The following GOLGA8T variants were observed in gnomAD, a reference collection of about 807,000 sequenced individuals.
GOLGA8T encodes golgin subfamily A member 8T.
A neutral mutation model predicts 52.0 loss-of-function variants in GOLGA8T; 17 were observed. The ratio of observed to expected loss-of-function variants is 0.33; its 90% CI spans 0.22 to 0.49. The LOEUF is 0.49. Ranked by LOEUF, GOLGA8T falls within the 20% of genes least tolerant of loss-of-function variation. GOLGA8T has a pLI of 0.99. For synonymous variants in GOLGA8T, 67 were observed against 169.5 expected, an observed-to-expected ratio of 0.40 and a Z score of 4.70; for missense variants, 154 against 462.1, an observed-to-expected ratio of 0.33 and a Z score of 6.11.
chr15:30,137,158 A>T (rs1337277709), intron 2 of GOLGA8T, among the ~76,000 whole-genome samples, 173 bp downstream of exon 2: 1 of 145,160 alleles, frequency 6.9e-6, no homozygotes, highest in Non-Finnish European at 1.5e-5. Context: ...CAGGCGGATC[A>T]TGAGGTCAGG....
At chr15:30,141,733 T>G (rs2140648007) in intron 11 of GOLGA8T, 69 bp from the exon 12 acceptor site, 1 of 551,808 alleles carries the variant, frequency 1.8e-6, no homozygotes, top group Admixed American at 3.3e-5. Context: ...TGAGAGGAGC[T>G]GTGCGCCAAG....
Position 30,142,505 on chromosome 15 carries a change from C to T in GOLGA8T, c.1200+123C>T, listed in dbSNP as rs968730969. 7.3e-6 allele frequency: 11 copies of T among 1,512,312 alleles called. 1 individual carries two copies. The highest frequency in any genetic ancestry group is 1.5e-5 in the African/African-American group (1 of 66,644). 93.7% of individuals were successfully genotyped at this position (1,512,312 alleles called of 1,614,324 possible). Reference sequence around the variant, plus strand: ...CCTGGGGGCTGGTGACCACAGCACCCCCCAGGGCAGTCCTGTTTCTTGCTT... The same window carrying T: ...CCTGGGGGCTGGTGACCACAGCACCTCCCAGGGCAGTCCTGTTTCTTGCTT... On this transcript the variant is annotated intron_variant, in intron 13 of 18. Transcript: ENST00000569052.
intron 10 of GOLGA8T, 53 bp from the exon 11 acceptor site, chr15:30,141,285 G>C (rs1336329237): frequency 1.3e-6 from 2 of 1,553,432 alleles, no homozygotes; most frequent in Non-Finnish European, 1.7e-6. Flanking sequence ...AGGGCAGCCT[G>C]TCCAGCCACC....
rs1411346046 is a variant in GOLGA8T at position 30,141,365 on chromosome 15, C to G, written c.814C>G (p.Gln272Glu). The change falls in exon 11 of 19, where the codon CAA becomes GAA. Residue 272 changes from glutamine (Q) to glutamate (E), a missense_variant. Physicochemically the swap from Gln to Glu is conservative, Grantham distance 29. Transcript: ENST00000569052. ...EICTLKKEKQQDMRRVEELER... is the reference protein window; with the variant it reads ...EICTLKKEKQEDMRRVEELER... ...TTGCACATTAAAGAAAGAGAAGCAG[C>G]AAGATATGCGTCGGGTAGAGGAGCT... The G allele has an allele frequency of 3.9e-6, 6 of 1,546,270 alleles. 1 individual carries two copies. Among genetic ancestry groups the G allele is most frequent in the East Asian group, 4.7e-5 (2 of 42,862 alleles).
In GOLGA8T at chr15:30,142,331, C is replaced by T. The variant is rs532404063; in HGVS notation, c.1149C>T (p.Asn383=). The T allele has an allele frequency of 1.1e-4, 172 of 1,540,842 alleles. 20 individuals are homozygous for T. In the African/African-American group the frequency reaches 1.6e-3, roughly 14 times the overall value. ...VFEEPNNENK[N]ALQLEQQVKE... ...CTGTCCAGAACAATGAGAACAAGAACGCACTGCAGTTGGAGCAGCAAGTAA... is the reference window on the plus strand; with the variant it reads ...CTGTCCAGAACAATGAGAACAAGAATGCACTGCAGTTGGAGCAGCAAGTAA... The change falls in exon 13 of 19, where the codon AAC becomes AAT. Residue 383 remains asparagine (N), a synonymous_variant. Coordinates refer to ENST00000569052, the MANE Select transcript of GOLGA8T (RefSeq NM_001355469.2).
chr15:30,142,661 G>T (rs2057762213), intron 13 of GOLGA8T, among the ~76,000 whole-genome samples: 1 of 138,142 alleles, frequency 7.2e-6, no homozygotes, highest in Admixed American at 7.0e-5. Flanking sequence ...CTTATGCCAG[G>T]TGCAGTGGCT....
Position 30,142,331 on chromosome 15 carries a change from C to G in GOLGA8T, c.1149C>G (p.Asn383Lys). 6.5e-7 allele frequency: 1 copy of G among 1,540,846 alleles called. No individual in the cohort carries two copies. Among genetic ancestry groups the G allele is most frequent in the Admixed American group, 1.8e-5 (1 of 54,796 alleles). Reference protein sequence around the residue: ...VFEEPNNENKNALQLEQQVKE... With the variant: ...VFEEPNNENKKALQLEQQVKE... ...CTGTCCAGAACAATGAGAACAAGAACGCACTGCAGTTGGAGCAGCAAGTAA... is the reference window on the plus strand; with the variant it reads ...CTGTCCAGAACAATGAGAACAAGAAGGCACTGCAGTTGGAGCAGCAAGTAA... Residue 383 changes from asparagine to lysine, a missense_variant, in exon 13 of 19, where the codon AAC (asparagine) becomes AAG (lysine). Physicochemically the swap from Asn to Lys is moderately conservative, Grantham distance 94. Around this residue, in one of 6 missense-constraint regions of GOLGA8T, gnomAD observed 54 missense variants for 51.5 expected, o/e 1.05. Transcript: ENST00000569052.
At chr15:30,142,511 G>C (rs558929396) in intron 13 of GOLGA8T, 129 bp downstream of exon 13, 3 of 1,507,166 alleles carry the variant, frequency 2.0e-6, no homozygotes, top group Non-Finnish European at 2.7e-6. Flanking sequence ...CACCCCCCAG[G>C]GCAGTCCTGT....
rs1317849378 is a variant in GOLGA8T at position 30,140,466 on chromosome 15, AT to A, written c.592-375del. On this transcript the variant is annotated intron_variant, in intron 8 of 18. Transcript: ENST00000569052. Reference sequence around the variant, plus strand: ...GCAAGCACTTAACCTCAAATACTCCATGTTTTTTCATCTCCACAATAGAGGG... The same window carrying A: ...GCAAGCACTTAACCTCAAATACTCCAGTTTTTTCATCTCCACAATAGAGGG... Among the ~76,000 whole-genome samples the A allele has an allele frequency of 8.8e-4, 109 of 124,370 alleles. 2 individuals carry two copies. Among genetic ancestry groups the A allele is most frequent in the Non-Finnish European group, 1.6e-3 (101 of 62,726 alleles). The allele number at this position is 124,370 out of a possible 152,430, so 81.6% of individuals were successfully genotyped here.
Position 30,148,302 on chromosome 15 carries a change from T to C in GOLGA8T, c.*2735T>C, listed in dbSNP as rs1388669355. On this transcript the variant is annotated 3_prime_UTR_variant, in exon 19 of 19. Coordinates refer to ENST00000569052, the MANE Select transcript of GOLGA8T (RefSeq NM_001355469.2). ...TAAAGATGGCAATATATAATAATCATTTTAAAAGTATTTGATTCAACCTGA... is the reference window on the plus strand; with the variant it reads ...TAAAGATGGCAATATATAATAATCACTTTAAAAGTATTTGATTCAACCTGA... Among the ~76,000 whole-genome samples, 1 of 126,218 alleles carries C rather than the reference T, an allele frequency of 7.9e-6. No homozygotes were observed. Among genetic ancestry groups the C allele is most frequent in the Non-Finnish European group, 1.5e-5 (1 of 64,708 alleles). The allele number at this position is 126,218 out of a possible 152,430, so 82.8% of individuals were successfully genotyped here. A position where few individuals can be genotyped will look rare whatever the true frequency, so the allele number is the denominator to read the frequency against.
chr15:30,136,318 GA>G (rs1341884599), intron 1 of GOLGA8T, among the ~76,000 whole-genome samples: 3 of 148,116 alleles, frequency 2.0e-5, no homozygotes, highest in Non-Finnish European at 3.0e-5. Flanking sequence ...GAGATCAAGA[GA>G]AAAAACATGA....
chr15:30,140,152 C>CGTGTGTGCGTGTGTGT (rs2057722174), intron 8 of GOLGA8T: 1 of 371,066 alleles, frequency 2.7e-6, no homozygotes, highest in African/African-American at 3.4e-5. Flanking sequence ...AACGTGTGTG[C>CGTGTGTGCGTGTGTGT]GTGTGTGTGT....
chr15:30,143,902 A>T (rs1595420299), intron 14 of GOLGA8T: 1 of 559,266 alleles, frequency 1.8e-6, no homozygotes, highest in East Asian at 2.8e-5. Flanking sequence ...GAAAGGGAGC[A>T]GGTCAGAACT....
chr15:30,141,965 G>C lies in GOLGA8T; in HGVS notation c.1038G>C (p.Gln346His), dbSNP rs1456355188. The C allele has an allele frequency of 4.6e-6, 2 of 434,846 alleles. No homozygotes were observed. Among genetic ancestry groups the C allele is most frequent in the Non-Finnish European group, 7.5e-6 (2 of 267,448 alleles). The allele number at this position is 434,846 out of a possible 1,614,324, so 26.9% of individuals were successfully genotyped here. A position where few individuals can be genotyped will look rare whatever the true frequency, so the allele number is the denominator to read the frequency against. ...NQRQEERIQE[Q>H]EERLRKQEER... ...GACAAGAAGAGAGGATTCAGGAGCA[G>C]GAAGAGAGGCTTCGGAAGCAGGAGG... Residue 346 changes from glutamine to histidine, a missense_variant, in exon 12 of 19, where the codon CAG (glutamine) becomes CAC (histidine). Physicochemically the swap from Gln to His is conservative, Grantham distance 24. Coordinates refer to ENST00000569052, the MANE Select transcript of GOLGA8T (RefSeq NM_001355469.2).
chr15:30,140,832 C>T lies in GOLGA8T; in HGVS notation c.592-10C>T, dbSNP rs2057733327. 9.1e-6 allele frequency: 14 copies of T among 1,537,334 alleles called. 1 individual carries two copies. The East Asian group carries it at 2.1e-4, about 23-fold the overall frequency. The stretch of plus-strand genomic sequence containing the variant: ...CTCCAGATTGAAACTTCTCACTCTT[C>T]ACCATCCAGTTGTCCAGCCGCAGCA... On this transcript the variant is annotated splice_polypyrimidine_tract_variant and intron_variant, in intron 8 of 18. Transcript: ENST00000569052.
chr15:30,143,401 T>G (rs75334156), intron 13 of GOLGA8T, among the ~76,000 whole-genome samples: 23,787 of 100,700 alleles, frequency 0.24, 4,695 homozygotes, highest in African/African-American at 0.39. Context: ...GCTGACCTGT[T>G]AGAAGGAGGC....
chr15:30,140,616 A>G (rs557953489), intron 8 of GOLGA8T, among the ~76,000 whole-genome samples: 2 of 143,960 alleles, frequency 1.4e-5, no homozygotes, highest in South Asian at 2.2e-4. Context: ...CAATAGCAAT[A>G]TTATCTGATC....
rs1373738317 is a variant in GOLGA8T, at chr15:30,146,817, T to TA, written c.*1256dup. 8.8e-6 allele frequency among the ~76,000 whole-genome samples: 1 copy of TA among 114,188 alleles called. No individual in the cohort carries two copies. Among genetic ancestry groups the TA allele is most frequent in the East Asian group, 2.1e-4 (1 of 4,758 alleles). 74.9% of individuals were successfully genotyped at this position (114,188 alleles called of 152,430 possible). A position where few individuals can be genotyped will look rare whatever the true frequency, so the allele number is the denominator to read the frequency against. The stretch of plus-strand genomic sequence containing the variant: ...CTTTTTCCTTGAATGGAAAACACTT[T>TA]AAAAAATAATAGAAACATTATTATA... On this transcript the variant is annotated 3_prime_UTR_variant, in exon 19 of 19. Coordinates refer to ENST00000569052, the MANE Select transcript of GOLGA8T (RefSeq NM_001355469.2).
In GOLGA8T at chr15:30,142,757, TA is replaced by T. The variant is rs1169920483; in HGVS notation, c.1200+379del. On this transcript the variant is annotated intron_variant, in intron 13 of 18. Coordinates refer to ENST00000569052, the MANE Select transcript of GOLGA8T (RefSeq NM_001355469.2). ...TTTGGGATCAGCCTGGCCAATGTGG[TA>T]AAACCTCATCTCTACTAAAATTACA... 1.1e-4 allele frequency among the ~76,000 whole-genome samples: 11 copies of T among 103,328 alleles called. No individual in the cohort carries two copies. In the South Asian group the frequency reaches 3.4e-3, roughly 32 times the overall value. The allele number at this position is 103,328 out of a possible 152,430, so 67.8% of individuals were successfully genotyped here. A position where few individuals can be genotyped will look rare whatever the true frequency, so the allele number is the denominator to read the frequency against.
Sources: gnomAD v4.1 joint callset for allele counts (sites outside exome capture counted in the v4.1 genomes callset) on GRCh38, gnomAD v4.1.1 for gene constraint, gnomAD v4.1.1 regional missense constraint, MANE v1.5 for transcripts, NCBI Gene and HGNC (gene_info 2026-07-23, HGNC 2026-07-21) for gene names.